The following CSRNP3 variants were observed in gnomAD, a reference collection of about 807,000 sequenced individuals.
CSRNP3 encodes the protein cysteine and serine rich nuclear protein 3.
In CSRNP3, 12 loss-of-function variants were observed where a neutral mutation model predicts 48.0. The ratio of observed to expected loss-of-function variants is 0.25; its 90% CI spans 0.16 to 0.41. CSRNP3 has a LOEUF of 0.41. CSRNP3 is among the 10% of genes least tolerant of loss of function. CSRNP3 has a pLI of 1.00. For synonymous variants in CSRNP3, 263 were observed against 269.7 expected, an observed-to-expected ratio of 0.98 and a Z score of 0.24; for missense variants, 580 against 724.4, an observed-to-expected ratio of 0.80 and a Z score of 2.29.
chr2:165,637,087 T>C (rs182811412), intron 4 of CSRNP3, among the ~76,000 whole-genome samples: 2 of 152,302 alleles, frequency 1.3e-5, no homozygotes, highest in East Asian at 3.9e-4. Flanking sequence ...GCAGAAGGTA[T>C]TGCTAGATCA....
At chr2:165,522,196 G>T (rs1470184534) in intron 3 of CSRNP3, among the ~76,000 whole-genome samples, 1 of 152,056 alleles carries the variant, frequency 6.6e-6, no homozygotes, top group African/African-American at 2.4e-5. Context: ...AGTGGCTGAG[G>T]CATGAGAATC....
At chr2:165,647,850 C>T (rs1446223041) in intron 4 of CSRNP3, among the ~76,000 whole-genome samples, 1 of 152,100 alleles carries the variant, frequency 6.6e-6, no homozygotes, top group Non-Finnish European at 1.5e-5. Flanking sequence ...GTAAGCTAGG[C>T]TAGGCTGTTA....
intron 4 of CSRNP3, among the ~76,000 whole-genome samples, chr2:165,604,485 T>C (rs890132724): frequency 6.6e-6 from 1 of 152,234 alleles, no homozygotes; most frequent in Admixed American, 6.5e-5. Context: ...AACTGTAATT[T>C]ATAATTTTGA....
At chr2:165,574,328 G>T in intron 3 of CSRNP3, 5 of 1,532,478 alleles carry the variant, frequency 3.3e-6, no homozygotes, top group South Asian at 1.2e-5. Context: ...ATGTACTGGG[G>T]TTCTCTGCAG....
rs1313691545 is a variant in CSRNP3 at position 165,657,975 on chromosome 2, G to A, written c.363G>A (p.Leu121=). 20 of 1,613,768 alleles carry A rather than the reference G, an allele frequency of 1.2e-5. No individual in the cohort carries two copies. Among genetic ancestry groups the A allele is most frequent in the Non-Finnish European group, 1.7e-5 (20 of 1,179,992 alleles). Residue 121 remains leucine, a synonymous_variant, in exon 5 of 7, where the codon TTG becomes TTA. Coordinates refer to ENST00000651982, the MANE Select transcript of CSRNP3 (RefSeq NM_001172173.2). ...AGGAGAGGCTCCACCGGGAGATGTT[G>A]AGAGAACACCTTAGGGAGGAAAAGC... is the stretch of plus-strand genomic sequence containing the variant. ...REQERLHREM[L]REHLREEKLN... is the part of the protein sequence containing the mutation.
intron 1 of CSRNP3, among the ~76,000 whole-genome samples, chr2:165,476,434 T>C (rs887268164): frequency 1.3e-5 from 2 of 152,212 alleles, no homozygotes; most frequent in Non-Finnish European, 2.9e-5. Context: ...GAATAACGAA[T>C]GAAATATCCT....
At chr2:165,653,737 C>T (rs147164218) in intron 4 of CSRNP3, among the ~76,000 whole-genome samples, 1,703 of 151,776 alleles carry the variant, frequency 0.011, 26 homozygotes, top group African/African-American at 0.029. Flanking sequence ...TTTGGGAGGC[C>T]GAGGTGGGTG....
intron 3 of CSRNP3, among the ~76,000 whole-genome samples, chr2:165,549,848 G>A (rs937589369): frequency 6.6e-6 from 1 of 152,146 alleles, no homozygotes; most frequent in African/African-American, 2.4e-5. Context: ...TTTCACATTT[G>A]TATTGATGTC....
chr2:165,645,432 C>A (rs1177133378), intron 4 of CSRNP3, among the ~76,000 whole-genome samples: 1 of 152,220 alleles, frequency 6.6e-6, no homozygotes, highest in Non-Finnish European at 1.5e-5. Flanking sequence ...GCTCCACTAT[C>A]TGATACCATC....
chr2:165,640,387 C>A (rs899577292), intron 4 of CSRNP3, among the ~76,000 whole-genome samples: 5 of 152,134 alleles, frequency 3.3e-5, no homozygotes, highest in Admixed American at 6.6e-5. Flanking sequence ...GTCCACTATT[C>A]ATGTTTATAC....
intron 5 of CSRNP3, among the ~76,000 whole-genome samples, chr2:165,661,685 G>A (rs1239489866): frequency 1.3e-5 from 2 of 152,186 alleles, no homozygotes; most frequent in African/African-American, 2.4e-5. Flanking sequence ...CATTGGTACG[G>A]AAAAGCATTC....
At chr2:165,600,178 G>A (rs13396098) in intron 4 of CSRNP3, among the ~76,000 whole-genome samples, 52,120 of 127,106 alleles carry the variant, frequency 0.41, 9,036 homozygotes, top group Middle Eastern at 0.49. Flanking sequence ...GTGAGAATAT[G>A]CGGTGTTTGG....
intron 3 of CSRNP3, among the ~76,000 whole-genome samples, chr2:165,555,184 C>T (rs1289447628): frequency 6.6e-6 from 1 of 152,136 alleles, no homozygotes; most frequent in Non-Finnish European, 1.5e-5. Context: ...CTCCAATGCA[C>T]TTACCACTAT....
intron 2 of CSRNP3, among the ~76,000 whole-genome samples, chr2:165,508,023 G>A (rs1032306750): frequency 1.5e-4 from 23 of 151,908 alleles, no homozygotes; most frequent in Non-Finnish European, 3.1e-4. Flanking sequence ...AGGTGCCATC[G>A]ACTGCTTGAT....
chr2:165,538,472 C>T (rs1202979153), intron 3 of CSRNP3, among the ~76,000 whole-genome samples: 1 of 151,868 alleles, frequency 6.6e-6, no homozygotes, highest in Non-Finnish European at 1.5e-5. Context: ...GGTGCGTATT[C>T]TATCCCATTT....
chr2:165,581,186 A>C (rs755399371), intron 3 of CSRNP3, among the ~76,000 whole-genome samples: 1 of 152,210 alleles, frequency 6.6e-6, no homozygotes, highest in African/African-American at 2.4e-5. Context: ...CCAAATGATG[A>C]TCAATGTTTA....
chr2:165,661,570 T>G (rs546919944), intron 5 of CSRNP3, among the ~76,000 whole-genome samples: 4 of 152,310 alleles, frequency 2.6e-5, no homozygotes, highest in Admixed American at 6.5e-5. Flanking sequence ...TATATTGCTT[T>G]TGCACCATCA....
At chr2:165,569,758 C>G (rs1685343574) in intron 3 of CSRNP3, among the ~76,000 whole-genome samples, 1 of 151,918 alleles carries the variant, frequency 6.6e-6, no homozygotes, top group Admixed American at 6.6e-5. Flanking sequence ...TATCCTCTTG[C>G]CATCTCACTG....
intron 3 of CSRNP3, among the ~76,000 whole-genome samples, chr2:165,558,472 T>A (rs529397290): frequency 6.6e-6 from 1 of 152,330 alleles, no homozygotes; most frequent in East Asian, 1.9e-4. Context: ...TCTCTGCCTT[T>A]TGGGAGGACC....
Sources: gnomAD v4.1 joint callset for allele counts (sites outside exome capture counted in the v4.1 genomes callset) on GRCh38, gnomAD v4.1.1 for gene constraint, MANE v1.5 for transcripts, NCBI Gene and HGNC (gene_info 2026-07-23, HGNC 2026-07-21) for gene names.